PRPSAP2: variants seen among roughly 807,000 people sequenced by gnomAD.
The protein encoded by PRPSAP2 is phosphoribosyl pyrophosphate synthetase associated protein 2, also known as phosphoribosyl pyrophosphate synthase-associated protein 2.
In PRPSAP2, 24 loss-of-function variants were observed where a neutral mutation model predicts 40.6. That is an observed-to-expected ratio of 0.59 (90% CI 0.43 to 0.83). PRPSAP2 has a LOEUF of 0.83. Among genes scored for constraint, PRPSAP2 ranks in the 40% least tolerant of loss-of-function variants. The pLI is 0.00. For synonymous variants in PRPSAP2, 149 were observed against 164.7 expected, an observed-to-expected ratio of 0.90 and a Z score of 0.73; for missense variants, 292 against 465.6, an observed-to-expected ratio of 0.63 and a Z score of 3.43.
At position 18,865,907 on chromosome 17, in the gene PRPSAP2, C is replaced by A; in HGVS notation, c.74C>A (p.Ala25Glu). 1.3e-6 allele frequency: 2 copies of A among 1,540,146 alleles called. No individual in the cohort carries two copies. The highest frequency in any genetic ancestry group is 1.8e-5 in the Admixed American group (1 of 56,358). Residue 25 changes from alanine to glutamate, a missense_variant, in exon 3 of 12, where the codon GCA (alanine) becomes GAA (glutamate). By Grantham distance (107) the Ala-to-Glu change is moderately radical. Around this residue, in one of 2 missense-constraint regions of PRPSAP2, gnomAD observed 51 missense variants for 40.0 expected, o/e 1.28. Coordinates refer to ENST00000268835, the MANE Select transcript of PRPSAP2 (RefSeq NM_002767.4). ...AAAGGTGGTCTGGTGTTGTTTTCAG[C>A]AAACTCGAATTCATCATGTATGGAG... ...ITKGGLVLFSANSNSSCMELS... is the reference protein window; with the variant it reads ...ITKGGLVLFSENSNSSCMELS...
intron 4 of PRPSAP2, among the ~76,000 whole-genome samples, chr17:18,869,503 ATT>A (rs553779100): frequency 9.3e-5 from 12 of 128,404 alleles, no homozygotes; most frequent in African/African-American, 2.0e-4. Flanking sequence ...CTGCCAGGCT[ATT>A]TTTTTTTTTT....
intron 8 of PRPSAP2, among the ~76,000 whole-genome samples, chr17:18,907,635 G>A (rs898025055): frequency 4.6e-5 from 7 of 151,988 alleles, no homozygotes; most frequent in Non-Finnish European, 7.4e-5. Flanking sequence ...ATATTCTTGT[G>A]AGCCATAAAA....
chr17:18,863,385 C>G (rs886128563), intron 1 of PRPSAP2, among the ~76,000 whole-genome samples: 5 of 151,886 alleles, frequency 3.3e-5, no homozygotes, highest in African/African-American at 1.2e-4. Flanking sequence ...GTTGCTGTGC[C>G]TGGCCATACC....
intron 7 of PRPSAP2, among the ~76,000 whole-genome samples, chr17:18,889,539 G>A (rs919610271): frequency 2.0e-5 from 3 of 152,082 alleles, no homozygotes; most frequent in African/African-American, 4.8e-5. Context: ...TCTTGTTGAC[G>A]AGATATATAG....
chr17:18,892,198 G>A (rs1597630589), intron 8 of PRPSAP2, among the ~76,000 whole-genome samples: 1 of 152,010 alleles, frequency 6.6e-6, no homozygotes, highest in Admixed American at 6.6e-5. Flanking sequence ...TGCATTGTAT[G>A]TGTATACTAG....
chr17:18,876,501 A>G (rs2038309899), intron 5 of PRPSAP2, among the ~76,000 whole-genome samples: 1 of 152,226 alleles, frequency 6.6e-6, no homozygotes, highest in Non-Finnish European at 1.5e-5. Context: ...TCATTAACAA[A>G]TACTTATTTT....
At chr17:18,920,100 C>T (rs1253022680) in intron 9 of PRPSAP2, among the ~76,000 whole-genome samples, 4 of 152,168 alleles carry the variant, frequency 2.6e-5, no homozygotes, top group Non-Finnish European at 5.9e-5. Flanking sequence ...GTCTAGGAAC[C>T]TCAGCAGAAC....
At chr17:18,869,147 C>T (rs1404791831) in intron 4 of PRPSAP2, among the ~76,000 whole-genome samples, 2 of 151,998 alleles carry the variant, frequency 1.3e-5, no homozygotes, top group African/African-American at 4.8e-5. Flanking sequence ...GGTCCACTCT[C>T]CAAGTTTCTG....
Position 18,923,928 on chromosome 17 carries a change from G to T in PRPSAP2, c.748G>T (p.Glu250Ter), listed in dbSNP as rs1248678392. Residue 250 changes from glutamate to a stop codon, truncating the protein, a stop_gained, in exon 10 of 12, where the codon GAA becomes TAA. Transcript: ENST00000268835. LOFTEE classifies it high-confidence loss of function. ...SLEIPMLIPK[E>*]KPPITVVGDV... is the part of the protein sequence containing the mutation. Reference sequence around the variant, plus strand: ...ATTCCAACCAGTGCTGATTCCTAAAGAAAAGCCCCCAATCACGGTTGTGGG... The same window carrying T: ...ATTCCAACCAGTGCTGATTCCTAAATAAAAGCCCCCAATCACGGTTGTGGG... 2 of 1,613,484 alleles carry T rather than the reference G, an allele frequency of 1.2e-6. No homozygotes were observed. The highest frequency in any genetic ancestry group is 3.3e-5 in the Admixed American group (2 of 59,986).
In PRPSAP2 at chr17:18,911,187, T is replaced by C. The variant is rs2040937379; in HGVS notation, c.669T>C (p.Asp223=). The C allele has an allele frequency of 6.2e-7, 1 of 1,613,880 alleles. No homozygotes were observed. The highest frequency in any genetic ancestry group is 8.5e-7 in the Non-Finnish European group (1 of 1,179,926). The part of the protein sequence containing the change: ...EAQDAESDLV[D]GRHSPPMVRS... ...AGGATGCCGAGTCGGACTTGGTGGA[T>C]GGACGGCATTCCCCACCCATGGTCA... The change falls in exon 9 of 12, where the codon GAT becomes GAC. Residue 223 remains aspartate, a synonymous_variant. Transcript: ENST00000268835. This position sits in a 1 kb window ranked among gnomAD's most constrained non-coding sequence, Gnocchi z 4.5.
At chr17:18,861,857 G>T (rs1307918978) in intron 1 of PRPSAP2, among the ~76,000 whole-genome samples, 1 of 150,820 alleles carries the variant, frequency 6.6e-6, no homozygotes, top group African/African-American at 2.4e-5. Flanking sequence ...GGCAGAAGCT[G>T]CAGGAAGAGG....
chr17:18,859,036 CT>C (rs1220544392), intron 1 of PRPSAP2, among the ~76,000 whole-genome samples: 9 of 152,112 alleles, frequency 5.9e-5, no homozygotes, highest in Admixed American at 5.9e-4. Context: ...TTCATAGATA[CT>C]TTTGCGTCGT....
chr17:18,889,612 C>T (rs1230357784), intron 7 of PRPSAP2, among the ~76,000 whole-genome samples: 2 of 152,214 alleles, frequency 1.3e-5, no homozygotes, highest in African/African-American at 2.4e-5. Flanking sequence ...CACCAATTAT[C>T]CCTACTTTTT....
Position 18,872,606 on chromosome 17 carries a change from T to A in PRPSAP2, c.196T>A (p.Ser66Thr), listed in dbSNP as rs760724775. The A allele has an allele frequency of 6.3e-7, 1 of 1,595,758 alleles. No homozygotes were observed. Among genetic ancestry groups the A allele is most frequent in the Non-Finnish European group, 8.6e-7 (1 of 1,163,674 alleles). Residue 66 changes from serine (S) to threonine (T), a missense_variant, in exon 5 of 12, where the codon TCT becomes ACT. Physicochemically the swap from Ser to Thr is moderately conservative, Grantham distance 58. Coordinates refer to ENST00000268835, the MANE Select transcript of PRPSAP2 (RefSeq NM_002767.4). ...AGAAACAAGAGTACAAATTCAAGAGTCTGTGAGGGGAAAAGATGTTTTCAT... is the reference window on the plus strand; with the variant it reads ...AGAAACAAGAGTACAAATTCAAGAGACTGTGAGGGGAAAAGATGTTTTCAT... ...NRETRVQIQE[S>T]VRGKDVFIIQ...
chr17:18,859,632 G>A (rs2036850270), intron 1 of PRPSAP2: 3 of 152,224 alleles, frequency 2.0e-5, no homozygotes, highest in South Asian at 4.1e-4. Context: ...GATCATACAG[G>A]AGTGGAAGAG....
At chr17:18,887,834 CTTTCT>C (rs2039277183) in intron 7 of PRPSAP2, among the ~76,000 whole-genome samples, 1 of 51,676 alleles carries the variant, frequency 1.9e-5, no homozygotes, top group East Asian at 2.6e-4. Context: ...ATAACTTGTT[CTTTCT>C]TTTTTTTTTT....
intron 4 of PRPSAP2, among the ~76,000 whole-genome samples, chr17:18,871,785 C>T (rs1302990095): frequency 1.3e-5 from 2 of 151,912 alleles, no homozygotes; most frequent in Admixed American, 6.5e-5. Flanking sequence ...CTCAGCCTCC[C>T]GAGTAGCTAG....
intron 1 of PRPSAP2, among the ~76,000 whole-genome samples, chr17:18,864,491 C>T (rs2037288401): frequency 6.6e-6 from 1 of 151,812 alleles, no homozygotes; most frequent in Admixed American, 6.6e-5. Context: ...ACAGATTTCA[C>T]CCTTTTGGCC....
chr17:18,886,007 G>A (rs1333471670), intron 7 of PRPSAP2, among the ~76,000 whole-genome samples: 1 of 152,102 alleles, frequency 6.6e-6, no homozygotes, highest in East Asian at 1.9e-4. Context: ...ACAGGCATGA[G>A]CTACTACACC....
Sources: allele counts gnomAD v4.1 joint callset (sites outside exome capture counted in the v4.1 genomes callset), GRCh38; gene constraint gnomAD v4.1.1; regional missense constraint gnomAD v4.1.1; non-coding constraint Gnocchi (gnomAD v3.1); transcripts MANE v1.5; gene names NCBI Gene and HGNC (gene_info 2026-07-23, HGNC 2026-07-21).